The following SYNPR variants were observed in gnomAD, a reference collection of about 807,000 sequenced individuals.
The protein encoded by SYNPR is synaptoporin.
SYNPR carries 23 observed loss-of-function variants against 32.9 expected under a neutral mutation model. That is an observed-to-expected ratio of 0.70 (90% confidence interval 0.50 to 0.99). The LOEUF (loss-of-function observed/expected upper bound fraction) is 0.99, where lower values mean the gene tolerates loss of function less well. Ranked by LOEUF, SYNPR falls within the 50% of genes least tolerant of loss-of-function variation. The pLI, the probability that SYNPR is intolerant of heterozygous loss-of-function variation, is 0.00. For missense variants in SYNPR, 318 were observed against 349.3 expected, an observed-to-expected ratio of 0.91 and a Z score of 0.71; for synonymous variants, 146 against 135.9, an observed-to-expected ratio of 1.07 and a Z score of -0.52.
At chr3:63,277,432 C>G (rs10866064), upstream of SYNPR, among the ~76,000 whole-genome samples, 128,981 of 152,108 alleles carry the variant, frequency 0.85, 55,281 homozygotes, top group African/African-American at 0.93. Flanking sequence ...TTCAAGAAAA[C>G]AGTCTAACTT....
chr3:63,203,316 T>C, the SYNPR span: 1 of 152,262 alleles, frequency 6.6e-6, no homozygotes, highest in Admixed American at 6.6e-5. Flanking sequence ...TTCAGGATAA[T>C]CTTTTTACAA....
upstream of SYNPR, among the ~76,000 whole-genome samples, chr3:63,224,843 A>T (rs2086116941): frequency 6.6e-6 from 1 of 152,202 alleles, no homozygotes; most frequent in South Asian, 2.1e-4. Context: ...CATTTTGAGC[A>T]ACAGAGTCTC....
intron 2 of SYNPR, among the ~76,000 whole-genome samples, chr3:63,355,097 G>T (rs1397488991): frequency 6.6e-6 from 1 of 151,966 alleles, no homozygotes; most frequent in Admixed American, 6.6e-5. Flanking sequence ...TGGCCAACAT[G>T]GTAAAACCCC....
chr3:63,228,876 A>C (rs1199016821), intron 1 of SYNPR, among the ~76,000 whole-genome samples: 1 of 151,986 alleles, frequency 6.6e-6, no homozygotes, highest in African/African-American at 2.4e-5. Context: ...CGGGCAGAAA[A>C]CCGGAAACTA....
chr3:63,586,400 A>G (rs1703185782), intron 4 of SYNPR, among the ~76,000 whole-genome samples: 1 of 152,028 alleles, frequency 6.6e-6, no homozygotes, highest in Non-Finnish European at 1.5e-5. Flanking sequence ...TTCTAAAATC[A>G]TGCCAGAATT....
chr3:63,358,290 G>C (rs1560204003), intron 2 of SYNPR, among the ~76,000 whole-genome samples: 1 of 152,210 alleles, frequency 6.6e-6, no homozygotes, highest in South Asian at 2.1e-4. Context: ...GATCCTTTTG[G>C]AGACTCTAAG....
chr3:63,439,609 C>G (rs7427721), intron 2 of SYNPR, among the ~76,000 whole-genome samples: 1 of 152,146 alleles, frequency 6.6e-6, no homozygotes, highest in African/African-American at 2.4e-5. Context: ...ACCCAAGCTT[C>G]TAAAAAAGCA....
chr3:63,244,738 A>C (rs2086272361), intron 1 of SYNPR, among the ~76,000 whole-genome samples: 1 of 152,128 alleles, frequency 6.6e-6, no homozygotes, highest in African/African-American at 2.4e-5. Flanking sequence ...AGCTTTTTGG[A>C]ATACAGATGT....
At chr3:63,327,168 A>G (rs1347473060) in intron 2 of SYNPR, among the ~76,000 whole-genome samples, 1 of 152,136 alleles carries the variant, frequency 6.6e-6, no homozygotes, top group Non-Finnish European at 1.5e-5. Flanking sequence ...TAGAATGGAG[A>G]TAAATATATA....
chr3:63,542,399 G>A (rs932478580), intron 3 of SYNPR, among the ~76,000 whole-genome samples: 9 of 152,020 alleles, frequency 5.9e-5, no homozygotes, highest in South Asian at 4.1e-4. Context: ...AACACTGCTC[G>A]CAAATTTCGT....
At chr3:63,284,088 G>A (rs772759873) in intron 2 of SYNPR, among the ~76,000 whole-genome samples, 6 of 152,292 alleles carry the variant, frequency 3.9e-5, no homozygotes, top group South Asian at 2.1e-4. Flanking sequence ...GATTACAGGC[G>A]TGAGCTACCA....
At chr3:63,350,635 G>T (rs150515163) in intron 2 of SYNPR, among the ~76,000 whole-genome samples, 2 of 152,364 alleles carry the variant, frequency 1.3e-5, no homozygotes, top group African/African-American at 2.4e-5. Context: ...TCAAATGCCT[G>T]CAGGGAACAG....
At position 63,578,200 on chromosome 3, in the gene SYNPR, C is replaced by T. The variant is rs138259234; in HGVS notation, c.408+21459C>T. Among the ~76,000 whole-genome samples, 428 of 152,260 alleles carry T rather than the reference C, an allele frequency of 2.8e-3. 4 individuals are homozygous for T. Among genetic ancestry groups the T allele is most frequent in the African/African-American group, 9.8e-3 (409 of 41,556 alleles). On this transcript the variant is annotated intron_variant, in intron 4 of 5. Coordinates refer to ENST00000478300, the MANE Select transcript of SYNPR (RefSeq NM_001130003.2). ...GATAGTGTAAGGTGGTGATTACCAG[C>T]GTAGGTCCTGGACCTCACAGTTCTC...
chr3:63,325,241 T>C (rs1401912239), intron 2 of SYNPR, among the ~76,000 whole-genome samples: 1 of 152,132 alleles, frequency 6.6e-6, no homozygotes, highest in Non-Finnish European at 1.5e-5. Context: ...TTGCAGATAA[T>C]AGTAATGACC....
At chr3:63,232,704 TC>T (rs1159963850) in intron 1 of SYNPR, among the ~76,000 whole-genome samples, 1 of 152,150 alleles carries the variant, frequency 6.6e-6, no homozygotes, top group Non-Finnish European at 1.5e-5. Context: ...AGAGCTCATG[TC>T]CCTAGTCTGT....
chr3:63,262,191 G>A (rs17067977), intron 2 of SYNPR, among the ~76,000 whole-genome samples: 2,291 of 152,166 alleles, frequency 0.015, 61 homozygotes, highest in African/African-American at 0.052. Flanking sequence ...ACATGCCACC[G>A]CTGAATTGGG....
intron 3 of SYNPR, among the ~76,000 whole-genome samples, chr3:63,514,691 T>C (rs1253389572): frequency 6.6e-6 from 1 of 152,156 alleles, no homozygotes; most frequent in African/African-American, 2.4e-5. Flanking sequence ...AACAGACCAA[T>C]ATTAACAAGA....
chr3:63,585,339 C>A (rs1200089144), intron 4 of SYNPR, among the ~76,000 whole-genome samples: 1 of 151,956 alleles, frequency 6.6e-6, no homozygotes, highest in Admixed American at 6.6e-5. Flanking sequence ...TGATCACTTT[C>A]TTTGGGAGGG....
intron 3 of SYNPR, among the ~76,000 whole-genome samples, chr3:63,513,624 A>G (rs1465455125): frequency 1.3e-5 from 2 of 152,082 alleles, no homozygotes; most frequent in African/African-American, 2.4e-5. Flanking sequence ...TTATTGTTCA[A>G]CATAGGTAAT....
Sources: allele counts gnomAD v4.1 joint callset (sites outside exome capture counted in the v4.1 genomes callset), GRCh38; gene constraint gnomAD v4.1.1; transcripts MANE v1.5; gene names NCBI Gene and HGNC (gene_info 2026-07-23, HGNC 2026-07-21).